The following WASF2 variants were observed in gnomAD, a reference collection of about 807,000 sequenced individuals.
WASF2 encodes the protein actin-binding protein WASF2.
A neutral mutation model predicts 45.0 loss-of-function variants in WASF2; 14 were observed. The observed-to-expected ratio is 0.31, with a 90% CI of 0.21 to 0.49. WASF2 has a LOEUF of 0.49. Ranked by LOEUF, WASF2 falls within the 20% of genes least tolerant of loss-of-function variation. The pLI, the probability that WASF2 is intolerant of heterozygous loss-of-function variation, is 0.99. For missense variants in WASF2, 439 were observed against 636.1 expected, an observed-to-expected ratio of 0.69 and a Z score of 3.33; for synonymous variants, 200 against 236.3, an observed-to-expected ratio of 0.85 and a Z score of 1.41.
Position 27,440,685 on chromosome 1 carries a change from G to A in WASF2, c.-43-11752C>T, listed in dbSNP as rs74758657. ...TAGTGCACTAAAGCCATGAACTCCT[G>A]AGCTCAAGCAATCCTCCAGCCTCAG... On this transcript the variant is annotated intron_variant, in intron 1 of 8. Transcript: ENST00000618852. 1.5e-3 allele frequency among the ~76,000 whole-genome samples: 232 copies of A among 152,220 alleles called. 2 individuals carry two copies. Among genetic ancestry groups the A allele is most frequent in the Middle Eastern group, 3.4e-3 (1 of 294 alleles).
Position 27,477,668 on chromosome 1 carries a change from G to A in WASF2, c.-44+12318C>T, listed in dbSNP as rs573712875. Among the ~76,000 whole-genome samples, 76 of 104,780 alleles carry A rather than the reference G, an allele frequency of 7.3e-4. 11 individuals carry two copies. The highest frequency in any genetic ancestry group is 2.4e-3 in the African/African-American group (44 of 18,342). The allele number at this position is 104,780 out of a possible 152,430, so 68.7% of individuals were successfully genotyped here. Reference sequence around the variant, plus strand: ...TAATCCCAGCACTTTGGGAGGCCGAGGCGGGCGGATCACGAGGTCAGGAGA... The same window carrying A: ...TAATCCCAGCACTTTGGGAGGCCGAAGCGGGCGGATCACGAGGTCAGGAGA... On this transcript the variant is annotated intron_variant, in intron 1 of 8. Coordinates refer to ENST00000618852, the MANE Select transcript of WASF2 (RefSeq NM_006990.5).
intron 1 of WASF2, among the ~76,000 whole-genome samples, chr1:27,453,723 T>A (rs1477056765): frequency 6.6e-6 from 1 of 151,948 alleles, no homozygotes; most frequent in Non-Finnish European, 1.5e-5. Context: ...AAACCCAGTC[T>A]CTATTAAAAA....
chr1:27,404,893 G>C lies in WASF2; in HGVS notation c.*3296C>G, dbSNP rs899933830. On this transcript the variant is annotated 3_prime_UTR_variant, in exon 9 of 9. Transcript: ENST00000618852. Reference sequence around the variant, plus strand: ...CCCAGGTCAGTTGGACCCCAGCAGGGCTCAAAGCCTGATGCCTCCAGGAAG... The same window carrying C: ...CCCAGGTCAGTTGGACCCCAGCAGGCCTCAAAGCCTGATGCCTCCAGGAAG... 6 of 152,314 alleles carry C rather than the reference G, an allele frequency of 3.9e-5. No individual in the cohort carries two copies. Among genetic ancestry groups the C allele is most frequent in the African/African-American group, 1.2e-4 (5 of 41,446 alleles). 9.4% of individuals were successfully genotyped at this position (152,314 alleles called of 1,614,324 possible). A position where few individuals can be genotyped will look rare whatever the true frequency, so the allele number is the denominator to read the frequency against.
intron 1 of WASF2, among the ~76,000 whole-genome samples, chr1:27,478,741 C>T (rs1162242741): frequency 2.0e-5 from 3 of 151,960 alleles, no homozygotes; most frequent in Admixed American, 1.3e-4. Flanking sequence ...CGTCACCACA[C>T]CCAGATAATT....
At chr1:27,458,719 G>A (rs2017506527) in intron 1 of WASF2, among the ~76,000 whole-genome samples, 1 of 151,942 alleles carries the variant, frequency 6.6e-6, no homozygotes, top group African/African-American at 2.4e-5. Flanking sequence ...CTTGAAACTG[G>A]GAGGTGGAGG....
intron 1 of WASF2, among the ~76,000 whole-genome samples, chr1:27,438,969 T>TA (rs901975277): frequency 6.6e-6 from 1 of 152,218 alleles, no homozygotes; most frequent in Non-Finnish European, 1.5e-5. Flanking sequence ...GCATGAGACT[T>TA]ACAAGCTAAA....
intron 1 of WASF2, among the ~76,000 whole-genome samples, chr1:27,453,870 C>T (rs1464419171): frequency 1.3e-5 from 2 of 152,048 alleles, no homozygotes; most frequent in Non-Finnish European, 2.9e-5. Flanking sequence ...GCCTGGGCAA[C>T]AGACCAAGAC....
At chr1:27,417,120 C>CCTAAAAAGAATTAT (rs2016837935) in intron 4 of WASF2, among the ~76,000 whole-genome samples, 2 of 152,178 alleles carry the variant, frequency 1.3e-5, no homozygotes, top group South Asian at 4.1e-4. Flanking sequence ...CTAATTCTGA[C>CCTAAAAAGAATTAT]ACTGTATGCT....
chr1:27,489,449 TACGTACACACAC>T (rs1484029232), intron 1 of WASF2, among the ~76,000 whole-genome samples: 4 of 60,336 alleles, frequency 6.6e-5, no homozygotes, highest in African/African-American at 2.8e-4. Flanking sequence ...TACTTCATGG[TACGTACACACAC>T]ACACACACAC....
intron 1 of WASF2, among the ~76,000 whole-genome samples, chr1:27,450,086 G>C (rs1315064785): frequency 6.6e-6 from 1 of 152,040 alleles, no homozygotes; most frequent in Non-Finnish European, 1.5e-5. Flanking sequence ...AGAGGTTGCG[G>C]TGAGTGGAGA....
chr1:27,487,689 A>ATT (rs1491136284), intron 1 of WASF2, among the ~76,000 whole-genome samples: 2 of 111,766 alleles, frequency 1.8e-5, no homozygotes, highest in Non-Finnish European at 3.4e-5. Flanking sequence ...TATAATATAT[A>ATT]ATATATATTT....
intron 1 of WASF2, among the ~76,000 whole-genome samples, chr1:27,456,881 G>A (rs1042754717): frequency 2.6e-5 from 4 of 152,000 alleles, no homozygotes; most frequent in South Asian, 4.2e-4. Context: ...GAATATAGGC[G>A]TCCGTCCGCC....
At chr1:27,489,823 G>A (rs1284154594) in intron 1 of WASF2, among the ~76,000 whole-genome samples, 163 bp downstream of exon 1, 7 of 152,162 alleles carry the variant, frequency 4.6e-5, no homozygotes, top group African/African-American at 1.7e-4. Context: ...GGGGTGGGGT[G>A]GACTAAGACG....
At position 27,481,798 on chromosome 1, in the gene WASF2, C is replaced by G. The variant is rs150833664; in HGVS notation, c.-44+8188G>C. On this transcript the variant is annotated intron_variant, in intron 1 of 8. Coordinates refer to ENST00000618852, the MANE Select transcript of WASF2 (RefSeq NM_006990.5). The stretch of plus-strand genomic sequence containing the variant: ...TAATCTTACAGCTGAGAGTACATCT[C>G]AGACTTCTCTGTATTTTACCAGAAA... Among the ~76,000 whole-genome samples, 401 of 152,252 alleles carry G rather than the reference C, an allele frequency of 2.6e-3. 2 individuals carry two copies. Among genetic ancestry groups the G allele is most frequent in the African/African-American group, 9.3e-3 (385 of 41,552 alleles).
chr1:27,476,324 C>T (rs1341906898), intron 1 of WASF2, among the ~76,000 whole-genome samples: 1 of 152,182 alleles, frequency 6.6e-6, no homozygotes, highest in South Asian at 2.1e-4. Flanking sequence ...CCAGCATGTG[C>T]TCCTGGGGAG....
At chr1:27,471,344 CAAAAAAAAAA>C (rs35393807) in intron 1 of WASF2, among the ~76,000 whole-genome samples, 1 of 53,166 alleles carries the variant, frequency 1.9e-5, no homozygotes, top group South Asian at 6.3e-4. Context: ...GACTCTGTCT[CAAAAAAAAAA>C]AAAAAAAAAA....
chr1:27,421,988 AG>A (rs2148107600), intron 2 of WASF2, among the ~76,000 whole-genome samples: 1 of 152,054 alleles, frequency 6.6e-6, no homozygotes, highest in East Asian at 1.9e-4. Flanking sequence ...ATGAAATAAA[AG>A]AAAAGAAAAA....
chr1:27,420,030 G>A lies in WASF2; in HGVS notation c.131-942C>T, dbSNP rs112732166. On this transcript the variant is annotated intron_variant, in intron 2 of 8. Transcript: ENST00000618852. ...AGCGATTCTCATGTATTAGCCTCCCGAGTAACTGGGATTACAGATGCGCAC... is the reference window on the plus strand; with the variant it reads ...AGCGATTCTCATGTATTAGCCTCCCAAGTAACTGGGATTACAGATGCGCAC... 7.2e-5 allele frequency among the ~76,000 whole-genome samples: 11 copies of A among 151,870 alleles called. No individual in the cohort carries two copies. In the East Asian group the frequency reaches 1.7e-3, roughly 24 times the overall value.
At chr1:27,466,105 C>A (rs1460871242) in intron 1 of WASF2, among the ~76,000 whole-genome samples, 1 of 152,184 alleles carries the variant, frequency 6.6e-6, no homozygotes, top group African/African-American at 2.4e-5. Flanking sequence ...TGAAAACCAA[C>A]TCATTATTTT....
Sources: gnomAD v4.1 joint callset for allele counts (sites outside exome capture counted in the v4.1 genomes callset) on GRCh38, gnomAD v4.1.1 for gene constraint, MANE v1.5 for transcripts, NCBI Gene and HGNC (gene_info 2026-07-23, HGNC 2026-07-21) for gene names.